Variants in CCDC137 observed in about 807,000 individuals in gnomAD.
The protein encoded by CCDC137 is coiled-coil domain containing 137.
CCDC137 carries 24 observed loss-of-function variants against 30.4 expected under a neutral mutation model. The observed-to-expected ratio is 0.79, with a 90% confidence interval of 0.57 to 1.11. CCDC137 has a LOEUF of 1.11. CCDC137 is among the 50% of genes least tolerant of loss of function. The pLI, the probability that CCDC137 is intolerant of heterozygous loss-of-function variation, is 0.00. For synonymous variants in CCDC137, 182 were observed against 155.7 expected, an observed-to-expected ratio of 1.17 and a Z score of -1.26; for missense variants, 417 against 380.4, an observed-to-expected ratio of 1.10 and a Z score of -0.80.
intron 3 of CCDC137, among the ~76,000 whole-genome samples, chr17:81,671,344 G>C (rs1340897500): frequency 6.6e-6 from 1 of 152,184 alleles, no homozygotes; most frequent in African/African-American, 2.4e-5. Context: ...AGGGAGACGT[G>C]ATATACAATG....
chr17:81,668,888 T>TA lies in CCDC137; in HGVS notation c.268+1026_268+1027insA, dbSNP rs949685946. Among the ~76,000 whole-genome samples, 3 of 150,430 alleles carry TA rather than the reference T, an allele frequency of 2.0e-5. 1 individual carries two copies. The highest frequency in any genetic ancestry group is 4.4e-5 in the Non-Finnish European group (3 of 67,600). ...AGCTAATTTTTTGTGTGTGGTTTTT[T>TA]TTTTTTTTTTTGAGACAGTCTCCCT... On this transcript the variant is annotated intron_variant, in intron 2 of 5. Coordinates refer to ENST00000329214, the MANE Select transcript of CCDC137 (RefSeq NM_199287.3).
Position 81,666,876 on chromosome 17 carries a change from C to G in CCDC137, c.110C>G (p.Pro37Arg). ...GTGCAGCCGCTGGGGAAGCAGCGCCCAGCCCCGTGGCCCGGGCTTCGCAGG... is the reference window on the plus strand; with the variant it reads ...GTGCAGCCGCTGGGGAAGCAGCGCCGAGCCCCGTGGCCCGGGCTTCGCAGG... The part of the protein sequence containing the change: ...QQVQPLGKQR[P>R]APWPGLRSKE... The change falls in exon 1 of 6, where the codon CCA becomes CGA. Residue 37 changes from proline (P) to arginine (R), a missense_variant. Pro to Arg is a moderately radical substitution (Grantham distance 103, BLOSUM62 -2). Transcript: ENST00000329214. The G allele has an allele frequency of 7.7e-7, 1 of 1,294,194 alleles. No homozygotes were observed. The highest frequency in any genetic ancestry group is 9.8e-7 in the Non-Finnish European group (1 of 1,020,006). 80.2% of individuals were successfully genotyped at this position (1,294,194 alleles called of 1,614,324 possible). A position where few individuals can be genotyped will look rare whatever the true frequency, so the allele number is the denominator to read the frequency against.
intron 2 of CCDC137, among the ~76,000 whole-genome samples, chr17:81,668,547 G>A (rs555672090): frequency 9.7e-4 from 148 of 152,286 alleles, no homozygotes; most frequent in Middle Eastern, 6.8e-3. Context: ...TATAATTTGT[G>A]TATAAACTGT....
At chr17:81,671,891 T>C (rs919708486) in intron 4 of CCDC137, 65 bp downstream of exon 4, 2 of 1,571,246 alleles carry the variant, frequency 1.3e-6, no homozygotes, top group African/African-American at 2.7e-5. Flanking sequence ...AGGCCTTCTG[T>C]TCCCCACCAG....
Position 81,672,911 on chromosome 17 carries a change from T to C in CCDC137, c.*207T>C. 1 of 581,576 alleles carries C rather than the reference T, an allele frequency of 1.7e-6. No individual in the cohort carries two copies. The highest frequency in any genetic ancestry group is 3.0e-6 in the Non-Finnish European group (1 of 329,990). The allele number at this position is 581,576 out of a possible 1,614,324, so 36.0% of individuals were successfully genotyped here. On this transcript the variant is annotated 3_prime_UTR_variant, in exon 6 of 6. Coordinates refer to ENST00000329214, the MANE Select transcript of CCDC137 (RefSeq NM_199287.3). ...CAAGGCCTGGTTGACAGACGGCCCGTGGGGCCCGGTGTCACTCACAGCTCC... is the reference window on the plus strand; with the variant it reads ...CAAGGCCTGGTTGACAGACGGCCCGCGGGGCCCGGTGTCACTCACAGCTCC...
rs1327652371 is a variant in CCDC137 at position 81,670,269 on chromosome 17, G to C, written c.313G>C (p.Glu105Gln). 6.2e-7 allele frequency: 1 copy of C among 1,613,948 alleles called. No homozygotes were observed. Among genetic ancestry groups the C allele is most frequent in the Admixed American group, 1.7e-5 (1 of 59,992 alleles). Residue 105 changes from glutamate to glutamine, a missense_variant, in exon 3 of 6, where the codon GAG (glutamate) becomes CAG (glutamine). By Grantham distance (29) the Glu-to-Gln change is conservative. Transcript: ENST00000329214. Reference protein sequence around the residue: ...RKTLEKEAKGEEPDIAVPKFK... With the variant: ...RKTLEKEAKGQEPDIAVPKFK... ...GACATTGGAGAAGGAAGCAAAGGGAGAGGAGCCCGACATCGCAGTCCCCAA... is the reference window on the plus strand; with the variant it reads ...GACATTGGAGAAGGAAGCAAAGGGACAGGAGCCCGACATCGCAGTCCCCAA...
In CCDC137 at chr17:81,667,065, T is replaced by C. The variant is rs1026258203; in HGVS notation, c.134+165T>C. The C allele has an allele frequency of 7.6e-5, 54 of 706,536 alleles. No homozygotes were observed. The African/African-American group carries it at 7.9e-4, about 10-fold the overall frequency. 43.8% of individuals were successfully genotyped at this position (706,536 alleles called of 1,614,324 possible). On this transcript the variant is annotated intron_variant, in intron 1 of 5. Coordinates refer to ENST00000329214, the MANE Select transcript of CCDC137 (RefSeq NM_199287.3). ...GCGGCCCACGCTCCGCCAGGATCGG[T>C]TGAATGAATGGAGGCGCGAGCGAGT...
At position 81,669,898 on chromosome 17, in the gene CCDC137, T is replaced by G. The variant is rs974407949; in HGVS notation, c.269-327T>G. 3.8e-5 allele frequency: 11 copies of G among 289,342 alleles called. 1 individual carries two copies. In the Middle Eastern group the frequency reaches 4.5e-3, roughly 118 times the overall value. The allele number at this position is 289,342 out of a possible 1,614,324, so 17.9% of individuals were successfully genotyped here. On this transcript the variant is annotated intron_variant, in intron 2 of 5. Transcript: ENST00000329214. ...TTTCTCTGTGTAGCTCCACTGGGCT[T>G]CTTTCGGCAGCTGTGCAATGGAGTC...
At position 81,667,699 on chromosome 17, in the gene CCDC137, C is replaced by T. The variant is rs780762835; in HGVS notation, c.135-30C>T. 6.2e-6 allele frequency: 10 copies of T among 1,611,154 alleles called. No homozygotes were observed. In the East Asian group the frequency reaches 1.3e-4, roughly 22 times the overall value. ...GATTCTGCTTGTGCTTTACTTGGGACGGGTCTCACCCCCGTGTTCTTTCTC... is the reference window on the plus strand; with the variant it reads ...GATTCTGCTTGTGCTTTACTTGGGATGGGTCTCACCCCCGTGTTCTTTCTC... On this transcript the variant is annotated intron_variant, in intron 1 of 5. Coordinates refer to ENST00000329214, the MANE Select transcript of CCDC137 (RefSeq NM_199287.3).
At position 81,666,787 on chromosome 17, in the gene CCDC137, A is replaced by G; in HGVS notation, c.21A>G (p.Gly7=). 1.4e-6 allele frequency: 2 copies of G among 1,468,906 alleles called. No individual in the cohort carries two copies. Among genetic ancestry groups the G allele is most frequent in the East Asian group, 2.7e-5 (1 of 36,746 alleles). The allele number at this position is 1,468,906 out of a possible 1,614,324, so 91.0% of individuals were successfully genotyped here. ...TGGAGATGGCGGGAGCTGGTCGCGG[A>G]GCAGCGGTGTCCAGGGTGCAGGCGG... is the stretch of plus-strand genomic sequence containing the variant. MAGAGR[G]AAVSRVQAGP... The change falls in exon 1 of 6, where the codon GGA becomes GGG. Residue 7 remains glycine (G), a synonymous_variant. Transcript: ENST00000329214.
intron 2 of CCDC137, among the ~76,000 whole-genome samples, chr17:81,669,195 T>C (rs2144440669): frequency 1.4e-5 from 2 of 144,004 alleles, no homozygotes; most frequent in South Asian, 2.2e-4. Flanking sequence ...TGGCCTTTTT[T>C]TTTTTGGAGA....
Position 81,672,653 on chromosome 17 carries a change from CG to C in CCDC137, c.823del (p.Glu275SerfsTer75), listed in dbSNP as rs1568202598. The C allele has an allele frequency of 6.2e-7, 1 of 1,600,770 alleles. No homozygotes were observed. Among genetic ancestry groups the C allele is most frequent in the Non-Finnish European group, 8.5e-7 (1 of 1,174,780 alleles). ...ALKQRQQQLH[G>X]ERPHLTSRKK... ...TGAAGCAGCGGCAGCAGCAGCTGCA[CG>C]GGGAGCGACCCCACCTCACTTCCCG... On this transcript the variant is annotated frameshift_variant, in exon 6 of 6. Transcript: ENST00000329214. LOFTEE classifies it low-confidence loss of function (END_TRUNC).
Position 81,672,924 on chromosome 17 carries a change from C to A in CCDC137, c.*220C>A. Reference sequence around the variant, plus strand: ...ACAGACGGCCCGTGGGGCCCGGTGTCACTCACAGCTCCATCTCTTTGTTTT... The same window carrying A: ...ACAGACGGCCCGTGGGGCCCGGTGTAACTCACAGCTCCATCTCTTTGTTTT... On this transcript the variant is annotated 3_prime_UTR_variant, in exon 6 of 6. Transcript: ENST00000329214. The A allele has an allele frequency of 1.7e-6, 1 of 571,478 alleles. No homozygotes were observed. The highest frequency in any genetic ancestry group is 2.9e-5 in the East Asian group (1 of 34,318). The allele number at this position is 571,478 out of a possible 1,614,324, so 35.4% of individuals were successfully genotyped here. A position where few individuals can be genotyped will look rare whatever the true frequency, so the allele number is the denominator to read the frequency against.
At chr17:81,671,982 G>A (rs1312581947) in intron 4 of CCDC137, 94 bp from the exon 5 acceptor site, 13 of 1,498,498 alleles carry the variant, frequency 8.7e-6, no homozygotes, top group Non-Finnish European at 1.1e-5. Context: ...TTCTGTCCCA[G>A]CCCTATGGGA....
Position 81,669,954 on chromosome 17 carries a change from C to T in CCDC137, c.269-271C>T, listed in dbSNP as rs879654523. 10 of 442,778 alleles carry T rather than the reference C, an allele frequency of 2.3e-5. No individual in the cohort carries two copies. The Admixed American group carries it at 2.4e-4, about 10-fold the overall frequency. The allele number at this position is 442,778 out of a possible 1,614,324, so 27.4% of individuals were successfully genotyped here. On this transcript the variant is annotated intron_variant, in intron 2 of 5. Coordinates refer to ENST00000329214, the MANE Select transcript of CCDC137 (RefSeq NM_199287.3). ...GTGATCAGAGGAGAATTCATTCAAC[C>T]AGCCACCTAGGGGTGGACATTAGGT...
chr17:81,671,675 C>T, intron 3 of CCDC137, 69 bp from the exon 4 acceptor site: 7 of 1,498,102 alleles, frequency 4.7e-6, no homozygotes, highest in South Asian at 2.3e-5. Flanking sequence ...GTGGGTGGGG[C>T]GGCCTCTGCC....
At position 81,666,796 on chromosome 17, in the gene CCDC137, G is replaced by A. The variant is rs376916230; in HGVS notation, c.30G>A (p.Val10=). ...CGGGAGCTGGTCGCGGAGCAGCGGTGTCCAGGGTGCAGGCGGGTCCTGGGA... is the reference window on the plus strand; with the variant it reads ...CGGGAGCTGGTCGCGGAGCAGCGGTATCCAGGGTGCAGGCGGGTCCTGGGA... The part of the protein sequence containing the change: MAGAGRGAA[V]SRVQAGPGSP... The change falls in exon 1 of 6, where the codon GTG becomes GTA. Residue 10 remains valine (V), a synonymous_variant. Coordinates refer to ENST00000329214, the MANE Select transcript of CCDC137 (RefSeq NM_199287.3). 1 of 1,465,490 alleles carries A rather than the reference G, an allele frequency of 6.8e-7. No individual in the cohort carries two copies. The highest frequency in any genetic ancestry group is 9.0e-7 in the Non-Finnish European group (1 of 1,113,850). 90.8% of individuals were successfully genotyped at this position (1,465,490 alleles called of 1,614,324 possible).
Position 81,666,758 on chromosome 17 carries a change from G to C in CCDC137, c.-9G>C. 1.4e-6 allele frequency: 2 copies of C among 1,460,650 alleles called. No individual in the cohort carries two copies. The highest frequency in any genetic ancestry group is 2.8e-5 in the South Asian group (2 of 70,964). The allele number at this position is 1,460,650 out of a possible 1,614,324, so 90.5% of individuals were successfully genotyped here. On this transcript the variant is annotated 5_prime_UTR_variant, in exon 1 of 6. Coordinates refer to ENST00000329214, the MANE Select transcript of CCDC137 (RefSeq NM_199287.3). ...AAGTGGCTTCGCTAGGGAGCCTCCC[G>C]GCGTGGAGATGGCGGGAGCTGGTCG...
chr17:81,670,042 G>T, intron 2 of CCDC137, 183 bp from the exon 3 acceptor site: 1 of 593,808 alleles, frequency 1.7e-6, no homozygotes, highest in Non-Finnish European at 3.0e-6. Flanking sequence ...CCATTGGGCT[G>T]GGGGGTCACG....
Sources: gnomAD v4.1 joint callset for allele counts (sites outside exome capture counted in the v4.1 genomes callset) on GRCh38, gnomAD v4.1.1 for gene constraint, MANE v1.5 for transcripts, NCBI Gene and HGNC (gene_info 2026-07-23, HGNC 2026-07-21) for gene names.